Variants in ERC2 observed in about 807,000 individuals in gnomAD.
The protein encoded by ERC2 is ELKS/RAB6-interacting/CAST family member 2, also known as ERC protein 2.
ERC2 carries 42 observed loss-of-function variants against 114.8 expected under a neutral mutation model. The observed-to-expected ratio is 0.37, with a 90% CI of 0.29 to 0.47. The LOEUF (loss-of-function observed/expected upper bound fraction) is 0.47, where lower values mean the gene tolerates loss of function less well. Ranked by LOEUF, ERC2 falls within the 20% of genes least tolerant of loss-of-function variation. The pLI, the probability that ERC2 is intolerant of heterozygous loss-of-function variation, is 0.99. For synonymous variants in ERC2, 454 were observed against 425.5 expected (o/e 1.07, Z -0.82); for missense variants, 939 against 1,150.7 (o/e 0.82, Z 2.66).
intron 17 of ERC2, among the ~76,000 whole-genome samples, chr3:55,558,633 G>T (rs957922825): frequency 2.0e-5 from 3 of 152,198 alleles, no homozygotes; most frequent in African/African-American, 7.2e-5. Flanking sequence ...TCCTTTTCTA[G>T]TATCCCTAAC....
At chr3:56,266,680 G>C (rs1365793581) in intron 3 of ERC2, among the ~76,000 whole-genome samples, 1 of 152,136 alleles carries the variant, frequency 6.6e-6, no homozygotes, top group Non-Finnish European at 1.5e-5. Context: ...AGGACCACTT[G>C]AGCCCAGTAA....
chr3:56,332,197 C>T (rs1395978348), intron 2 of ERC2, among the ~76,000 whole-genome samples: 2 of 152,140 alleles, frequency 1.3e-5, no homozygotes, highest in Non-Finnish European at 2.9e-5. Flanking sequence ...CATGCACACA[C>T]ATATGCACGC....
chr3:56,391,514 G>C (rs912039841), intron 2 of ERC2, among the ~76,000 whole-genome samples: 10 of 152,172 alleles, frequency 6.6e-5, no homozygotes, highest in African/African-American at 2.4e-4. Flanking sequence ...TAAGGAATGG[G>C]AGGCAGGAAG....
chr3:56,214,333 C>T (rs912080333), intron 3 of ERC2, among the ~76,000 whole-genome samples: 3 of 150,466 alleles, frequency 2.0e-5, no homozygotes, highest in Non-Finnish European at 2.9e-5. Context: ...AGCACGAGAA[C>T]TACGTGATGA....
At chr3:56,423,090 G>T (rs1024878982) in intron 2 of ERC2, among the ~76,000 whole-genome samples, 3 of 152,182 alleles carry the variant, frequency 2.0e-5, no homozygotes, top group African/African-American at 7.2e-5. Flanking sequence ...GATATTTGAA[G>T]ATTCATGATT....
chr3:55,663,931 G>T (rs2061247236), intron 17 of ERC2, among the ~76,000 whole-genome samples: 1 of 152,144 alleles, frequency 6.6e-6, no homozygotes, highest in African/African-American at 2.4e-5. Flanking sequence ...ACATTTTGCA[G>T]TGCGACTATT....
intron 13 of ERC2, among the ~76,000 whole-genome samples, chr3:55,899,633 A>C (rs994503611): frequency 6.6e-6 from 1 of 152,170 alleles, no homozygotes; most frequent in Non-Finnish European, 1.5e-5. Flanking sequence ...ATTTAACGTA[A>C]AGGAAAGATG....
At chr3:56,202,156 G>A (rs577788785) in intron 3 of ERC2, among the ~76,000 whole-genome samples, 116 of 152,230 alleles carry the variant, frequency 7.6e-4, no homozygotes, top group Middle Eastern at 3.4e-3. Flanking sequence ...CTAGTAACCC[G>A]TAATAACCCC....
chr3:55,915,209 T>C (rs990260893), intron 13 of ERC2, among the ~76,000 whole-genome samples: 8 of 152,180 alleles, frequency 5.3e-5, no homozygotes, highest in African/African-American at 1.9e-4. Context: ...TCAGCACTTT[T>C]TAAAGCAAAA....
chr3:56,276,330 C>T (rs2053985633), intron 3 of ERC2, among the ~76,000 whole-genome samples: 1 of 151,986 alleles, frequency 6.6e-6, no homozygotes, highest in Non-Finnish European at 1.5e-5. Context: ...CAAACCTTTA[C>T]CTTGTTAGCA....
chr3:56,324,590 G>A (rs185478827), intron 2 of ERC2, among the ~76,000 whole-genome samples: 19 of 152,098 alleles, frequency 1.2e-4, no homozygotes, highest in Non-Finnish European at 2.8e-4. Context: ...AGGGTCTAAC[G>A]GGCCTTCATG....
intron 17 of ERC2, among the ~76,000 whole-genome samples, chr3:55,569,541 A>G (rs1499888): frequency 3.3e-5 from 5 of 152,130 alleles, no homozygotes; most frequent in African/African-American, 1.2e-4. Context: ...CTCTTCAAAG[A>G]TATCATGTTA....
At chr3:55,906,422 ACT>A (rs1419333665) in intron 13 of ERC2, among the ~76,000 whole-genome samples, 1 of 128,138 alleles carries the variant, frequency 7.8e-6, no homozygotes, top group Non-Finnish European at 1.6e-5. Context: ...ACAGAGCGAG[ACT>A]CTGTCTCAAA....
intron 15 of ERC2, among the ~76,000 whole-genome samples, chr3:55,716,870 A>T (rs1268777572): frequency 3.3e-5 from 5 of 152,204 alleles, no homozygotes; most frequent in Non-Finnish European, 7.3e-5. Flanking sequence ...GTGAATTTGC[A>T]AGGCTATCTA....
intron 10 of ERC2, among the ~76,000 whole-genome samples, chr3:55,993,256 A>G (rs914927800): frequency 6.6e-6 from 1 of 152,186 alleles, no homozygotes; most frequent in Non-Finnish European, 1.5e-5. Context: ...TCATATACGT[A>G]TGTATCTCCA....
chr3:55,750,292 G>T (rs1329811899), intron 14 of ERC2, among the ~76,000 whole-genome samples: 1 of 152,114 alleles, frequency 6.6e-6, no homozygotes, highest in Non-Finnish European at 1.5e-5. Context: ...TATAAGCAAG[G>T]CATAAGTAAA....
intron 2 of ERC2, among the ~76,000 whole-genome samples, chr3:56,428,206 A>T (rs2061646373): frequency 6.6e-6 from 1 of 152,152 alleles, no homozygotes; most frequent in Admixed American, 6.5e-5. Flanking sequence ...TTAATAGAAC[A>T]TAGTTGAATG....
At position 55,808,723 on chromosome 3, in the gene ERC2, ATATATATATATATATATAT is replaced by A. The variant is rs1559689255; in HGVS notation, c.2565-73824_2565-73806del. Reference sequence around the variant, plus strand: ...ATTTTATATATATATATATATATATATATATATATATATATATATAACGTATAACTAAACATATATATAT... The same window carrying A: ...ATTTTATATATATATATATATATATAAACGTATAACTAAACATATATATAT... On this transcript the variant is annotated intron_variant, in intron 14 of 17. Coordinates refer to ENST00000288221, the MANE Select transcript of ERC2 (RefSeq NM_015576.3). Among the ~76,000 whole-genome samples, 27 of 125,426 alleles carry A rather than the reference ATATATATATATATATATAT, an allele frequency of 2.2e-4. 2 individuals carry two copies. The highest frequency in any genetic ancestry group is 6.7e-4 in the African/African-American group (20 of 29,976). The allele number at this position is 125,426 out of a possible 152,430, so 82.3% of individuals were successfully genotyped here.
intron 14 of ERC2, among the ~76,000 whole-genome samples, chr3:55,835,387 C>T (rs1367582312): frequency 6.6e-6 from 1 of 152,132 alleles, no homozygotes; most frequent in Non-Finnish European, 1.5e-5. Context: ...AGCAACACAT[C>T]AAAAAGCTTA....
Sources: allele counts gnomAD v4.1 joint callset (sites outside exome capture counted in the v4.1 genomes callset), GRCh38; gene constraint gnomAD v4.1.1; transcripts MANE v1.5; gene names NCBI Gene and HGNC (gene_info 2026-07-23, HGNC 2026-07-21).